The following BCLAF3 variants were observed in gnomAD, a reference collection of about 807,000 sequenced individuals.
BCLAF3 encodes the protein transient octamer binding factor 1.
In BCLAF3, 24 loss-of-function variants were observed where a neutral mutation model predicts 51.2. The observed-to-expected ratio is 0.47, with a 90% confidence interval of 0.34 to 0.66. The LOEUF (loss-of-function observed/expected upper bound fraction) is 0.66, where lower values mean the gene tolerates loss of function less well. BCLAF3 is among the 30% of genes least tolerant of loss of function. The probability of loss-of-function intolerance (pLI) is 0.01; values close to 1 mark genes in which losing one functional copy is unlikely to be tolerated. For missense variants in BCLAF3, 465 were observed against 525.1 expected (o/e 0.89, Z 1.12); for synonymous variants, 152 against 176.6 (o/e 0.86, Z 1.10).
intron 10 of BCLAF3, among the ~76,000 whole-genome samples, chrX:19,931,989 A>T (rs1376122612): frequency 1.8e-5 from 2 of 112,373 alleles, no homozygotes; most frequent in Non-Finnish European, 3.8e-5. Flanking sequence ...AGAGCTAAGA[A>T]CTCAACCAGT....
At chrX:19,935,156 C>G (rs991056872) in intron 10 of BCLAF3, among the ~76,000 whole-genome samples, 2 of 107,449 alleles carry the variant, frequency 1.9e-5, no homozygotes, top group Non-Finnish European at 3.9e-5. Context: ...TGCACTCCAG[C>G]CTGGGCGACA....
intron 9 of BCLAF3, 171 bp downstream of exon 9, chrX:19,937,247 G>A: frequency 4.5e-6 from 2 of 440,758 alleles, no homozygotes; most frequent in Non-Finnish European, 8.1e-6. Context: ...ACTAAATCAA[G>A]TAAGAAATGA....
At chrX:19,978,124 C>A (rs2072487052) in intron 1 of BCLAF3, among the ~76,000 whole-genome samples, 1 of 112,107 alleles carries the variant, frequency 8.9e-6, no homozygotes, top group African/African-American at 3.2e-5. Context: ...TGTTTTTGTG[C>A]CTGCTAACAC....
At chrX:19,946,749 C>T (rs774656242) in intron 8 of BCLAF3, among the ~76,000 whole-genome samples, 1 of 111,876 alleles carries the variant, frequency 8.9e-6, no homozygotes, top group African/African-American at 3.2e-5. Flanking sequence ...ATTCCTTAAA[C>T]AAAAGCAGGC....
At chrX:19,990,730 G>A (rs966409408) in intron 1 of BCLAF3, among the ~76,000 whole-genome samples, 178 bp downstream of exon 1, 1 of 112,689 alleles carries the variant, frequency 8.9e-6, no homozygotes, top group Non-Finnish European at 1.9e-5. Context: ...CCCAAGGGAA[G>A]GCGCTGACCG....
rs187718115 is a variant in BCLAF3, at chrX:19,921,634, C to T, written c.2107-4300G>A. Reference sequence around the variant, plus strand: ...AGGAGGATCGCTTGAACTCGGGAGGCGGAGGCTGCAGTGAGCTGAGGTCAT... The same window carrying T: ...AGGAGGATCGCTTGAACTCGGGAGGTGGAGGCTGCAGTGAGCTGAGGTCAT... On this transcript the variant is annotated intron_variant, in intron 11 of 11. Coordinates refer to ENST00000379682, the MANE Select transcript of BCLAF3 (RefSeq NM_001367774.2). 4.1e-4 allele frequency among the ~76,000 whole-genome samples: 45 copies of T among 110,320 alleles called. No homozygotes were observed. The East Asian group carries it at 8.8e-3, about 22-fold the overall frequency.
At chrX:19,924,731 G>A (rs901920194) in intron 11 of BCLAF3, among the ~76,000 whole-genome samples, 1 of 111,173 alleles carries the variant, frequency 9.0e-6, no homozygotes, top group Non-Finnish European at 1.9e-5. Flanking sequence ...GGAATTCCTT[G>A]CCTTCCTGGC....
At position 19,990,906 on chromosome X, in the gene BCLAF3, A is replaced by C. The variant is rs1226458837; in HGVS notation, c.-35+2T>G. Among the ~76,000 whole-genome samples, 1 of 78,926 alleles carries C rather than the reference A, an allele frequency of 1.3e-5. No individual in the cohort carries two copies. The highest frequency in any genetic ancestry group is 4.8e-5 in the African/African-American group (1 of 20,797). 68.5% of individuals were successfully genotyped at this position (78,926 alleles called of 115,157 possible). The stretch of plus-strand genomic sequence containing the variant: ...CGCCCCGCCTCCCCCCGAGCCGCTC[A>C]CCCGGCCGGGAAGCCCCCGCCGCCG... On this transcript the variant is annotated splice_donor_variant, in intron 1 of 11. Transcript: ENST00000379682. LOFTEE classifies it low-confidence loss of function (5UTR_SPLICE).
Position 19,940,265 on chromosome X carries a change from T to C in BCLAF3, c.1746-2733A>G, listed in dbSNP as rs369553536. Among the ~76,000 whole-genome samples the C allele has an allele frequency of 1.1e-3, 94 of 81,746 alleles. 1 individual carries two copies. Among genetic ancestry groups the C allele is most frequent in the African/African-American group, 7.7e-3 (91 of 11,894 alleles). 71.0% of individuals were successfully genotyped at this position (81,746 alleles called of 115,157 possible). On this transcript the variant is annotated intron_variant, in intron 8 of 11. Transcript: ENST00000379682. ...AATTTCAAGAAGTCTTTATTTTTTATTTATTTATTTATTTTTTTTTTTTTA... is the reference window on the plus strand; with the variant it reads ...AATTTCAAGAAGTCTTTATTTTTTACTTATTTATTTATTTTTTTTTTTTTA...
chrX:19,939,369 A>G (rs7888374), intron 8 of BCLAF3, among the ~76,000 whole-genome samples: 13,707 of 111,759 alleles, frequency 0.12, 1,995 homozygotes, highest in African/African-American at 0.41. Context: ...TGCAAAGCAT[A>G]TATCTGATGA....
chrX:19,978,152 C>A (rs1324001279), intron 1 of BCLAF3, among the ~76,000 whole-genome samples: 1 of 111,937 alleles, frequency 8.9e-6, no homozygotes, highest in Admixed American at 9.5e-5. Context: ...ATTCTGTAGC[C>A]CATAGATCAA....
chrX:19,986,965 C>A (rs2072820251), intron 1 of BCLAF3, among the ~76,000 whole-genome samples: 1 of 109,781 alleles, frequency 9.1e-6, no homozygotes, highest in African/African-American at 3.3e-5. Flanking sequence ...CCATACCCAG[C>A]TAATTTTTTA....
At chrX:19,973,461 T>C (rs1379366200) in intron 1 of BCLAF3, among the ~76,000 whole-genome samples, 2 of 111,702 alleles carry the variant, frequency 1.8e-5, no homozygotes, top group Non-Finnish European at 3.8e-5. Flanking sequence ...AAATGTAAGA[T>C]AGATACATCT....
chrX:19,958,683 T>C (rs1233044985), intron 4 of BCLAF3, among the ~76,000 whole-genome samples: 3 of 112,510 alleles, frequency 2.7e-5, no homozygotes, highest in African/African-American at 9.7e-5. Flanking sequence ...GGCTCTACCA[T>C]ATAGCCTAGG....
chrX:19,979,370 G>A (rs1023417346), intron 1 of BCLAF3, among the ~76,000 whole-genome samples: 2 of 111,089 alleles, frequency 1.8e-5, no homozygotes, highest in African/African-American at 3.3e-5. Flanking sequence ...AAGATGATGC[G>A]TCACTGAAGG....
chrX:19,938,793 C>A (rs113717842), intron 8 of BCLAF3, among the ~76,000 whole-genome samples: 7 of 112,986 alleles, frequency 6.2e-5, no homozygotes, highest in African/African-American at 1.9e-4. Context: ...TTTCCTTCTA[C>A]TTAGATTAAC....
At chrX:19,922,078 T>C (rs990725376) in intron 11 of BCLAF3, among the ~76,000 whole-genome samples, 2 of 111,036 alleles carry the variant, frequency 1.8e-5, no homozygotes, top group African/African-American at 6.5e-5. Context: ...TATTAATATG[T>C]TTAAAAGTTA....
At chrX:19,932,102 C>T (rs2070581337) in intron 10 of BCLAF3, among the ~76,000 whole-genome samples, 1 of 111,496 alleles carries the variant, frequency 9.0e-6, no homozygotes, top group Non-Finnish European at 1.9e-5. Context: ...AATGTGTGTT[C>T]TTTTTTTTAA....
At chrX:19,953,167 G>T in intron 6 of BCLAF3, 116 bp from the exon 7 acceptor site, 1 of 559,595 alleles carries the variant, frequency 1.8e-6, no homozygotes. Context: ...GCTAGCAAAA[G>T]AAACTTGCTA....
Sources: allele counts gnomAD v4.1 joint callset (sites outside exome capture counted in the v4.1 genomes callset), GRCh38; gene constraint gnomAD v4.1.1; transcripts MANE v1.5; gene names NCBI Gene and HGNC (gene_info 2026-07-23, HGNC 2026-07-21).